The following TUNAR variants were observed in gnomAD, a reference collection of about 807,000 sequenced individuals.
The protein encoded by TUNAR is transmembrane neural differentiation associated intracellular calcium regulator, also known as protein TUNAR.
chr14:95,916,604 G>C (rs1889611087), intron 2 of TUNAR, among the ~76,000 whole-genome samples: 1 of 152,196 alleles, frequency 6.6e-6, no homozygotes, highest in East Asian at 1.9e-4. Flanking sequence ...CATGTACCCT[G>C]CTGCTCATTT....
intron 2 of TUNAR, among the ~76,000 whole-genome samples, chr14:95,887,130 C>T (rs1889090855): frequency 6.6e-6 from 1 of 152,180 alleles, no homozygotes; most frequent in African/African-American, 2.4e-5. Context: ...ACCATCAGGT[C>T]CTGGGAAAGC....
intron 2 of TUNAR, among the ~76,000 whole-genome samples, chr14:95,887,850 AATT>A (rs1420728962): frequency 2.0e-5 from 3 of 152,182 alleles, no homozygotes; most frequent in African/African-American, 7.2e-5. Flanking sequence ...TATTCAGGGT[AATT>A]ATTATTAAGA....
At chr14:95,906,541 C>T (rs1889428840) in intron 2 of TUNAR, among the ~76,000 whole-genome samples, 2 of 152,158 alleles carry the variant, frequency 1.3e-5, no homozygotes. Flanking sequence ...GCACATTTAC[C>T]CAATTACTGA....
intron 2 of TUNAR, among the ~76,000 whole-genome samples, chr14:95,905,201 G>T (rs1041028727): frequency 2.6e-5 from 4 of 152,172 alleles, no homozygotes; most frequent in African/African-American, 9.7e-5. Context: ...TATATAACCT[G>T]AGTGTAATCA....
intron 2 of TUNAR, among the ~76,000 whole-genome samples, chr14:95,922,285 C>A (rs1406332993): frequency 6.6e-6 from 1 of 152,234 alleles, no homozygotes; most frequent in Non-Finnish European, 1.5e-5. Context: ...AATCACCTTC[C>A]CTGGCTTCCA....
At chr14:95,920,571 A>G (rs753609127) in intron 2 of TUNAR, among the ~76,000 whole-genome samples, 1 of 152,120 alleles carries the variant, frequency 6.6e-6, no homozygotes, top group African/African-American at 2.4e-5. Flanking sequence ...ACTTATGCAC[A>G]GTTTCATGTT....
Position 95,895,007 on chromosome 14 carries a change from T to C in TUNAR, c.12+17830T>C, listed in dbSNP as rs1889240109. On this transcript the variant is annotated intron_variant, in intron 2 of 2. Transcript: ENST00000678517. This position sits in a 1 kb window ranked among gnomAD's most constrained non-coding sequence, Gnocchi z 4.5. The stretch of plus-strand genomic sequence containing the variant: ...GCACCACCTCTCTCCTGACGATAGG[T>C]TGGAGCTGAGGGCACAGAAATGGCC... 6.6e-6 allele frequency among the ~76,000 whole-genome samples: 1 copy of C among 152,146 alleles called. No individual in the cohort carries two copies. Among genetic ancestry groups the C allele is most frequent in the Non-Finnish European group, 1.5e-5 (1 of 68,028 alleles).
At chr14:95,898,617 A>G (rs1327345624) in intron 2 of TUNAR, among the ~76,000 whole-genome samples, 1 of 151,046 alleles carries the variant, frequency 6.6e-6, no homozygotes, top group African/African-American at 2.4e-5. Context: ...CTGGTTTGTC[A>G]TTTTGCTTTT....
intron 2 of TUNAR, among the ~76,000 whole-genome samples, chr14:95,885,083 G>C (rs374605635): frequency 1.3e-5 from 2 of 152,224 alleles, no homozygotes; most frequent in Admixed American, 1.3e-4. Context: ...GATGGGATGC[G>C]TGCTCAGCGC....
chr14:95,899,607 C>T (rs1450081716), intron 2 of TUNAR, among the ~76,000 whole-genome samples: 1 of 152,112 alleles, frequency 6.6e-6, no homozygotes, highest in Non-Finnish European at 1.5e-5. Flanking sequence ...CTGGGGATTC[C>T]AAGATCAAGT....
At chr14:95,921,928 A>G (rs1039982015) in intron 2 of TUNAR, among the ~76,000 whole-genome samples, 1 of 151,452 alleles carries the variant, frequency 6.6e-6, no homozygotes, top group Non-Finnish European at 1.5e-5. Flanking sequence ...TCATTTCACC[A>G]TCATATAATA....
At chr14:95,898,669 C>T (rs1011998253) in intron 2 of TUNAR, among the ~76,000 whole-genome samples, 3 of 151,964 alleles carry the variant, frequency 2.0e-5, no homozygotes, top group Non-Finnish European at 4.4e-5. Flanking sequence ...CATTTTTAAC[C>T]TCTGAGAGCT....
chr14:95,890,405 C>T (rs1023123186), intron 2 of TUNAR, among the ~76,000 whole-genome samples: 2 of 152,208 alleles, frequency 1.3e-5, no homozygotes, highest in Non-Finnish European at 2.9e-5. Context: ...TGTGTGGCCT[C>T]AAAGCTCACT....
chr14:95,883,465 G>A (rs376482020), intron 2 of TUNAR, among the ~76,000 whole-genome samples: 72 of 152,322 alleles, frequency 4.7e-4, no homozygotes, highest in African/African-American at 1.7e-3. Flanking sequence ...AAACAGTTAT[G>A]GAGCACTAGC....
chr14:95,912,101 G>A (rs1417046399), intron 2 of TUNAR, among the ~76,000 whole-genome samples: 3 of 152,200 alleles, frequency 2.0e-5, no homozygotes, highest in South Asian at 2.1e-4. Flanking sequence ...AGAAGCACTC[G>A]TAGTCTTCGT....
intron 2 of TUNAR, among the ~76,000 whole-genome samples, chr14:95,894,920 G>A (rs1164310493): frequency 6.6e-6 from 1 of 152,236 alleles, no homozygotes; most frequent in Non-Finnish European, 1.5e-5. Flanking sequence ...TCCACAGCAT[G>A]TGCATATTGG....
At chr14:95,917,627 C>T (rs957867783) in intron 2 of TUNAR, among the ~76,000 whole-genome samples, 1 of 152,100 alleles carries the variant, frequency 6.6e-6, no homozygotes, top group Non-Finnish European at 1.5e-5. Flanking sequence ...TCTAGCATTC[C>T]GTGAAGATGG....
rs934549220 is a variant in TUNAR at position 95,913,854 on chromosome 14, T to C, written c.13-8927T>C. Among the ~76,000 whole-genome samples, 11 of 152,272 alleles carry C rather than the reference T, an allele frequency of 7.2e-5. No individual in the cohort carries two copies. In the South Asian group the frequency reaches 2.3e-3, roughly 32 times the overall value. On this transcript the variant is annotated intron_variant, in intron 2 of 2. Transcript: ENST00000678517. ...TTCAAGCGATTCTCCTGCCTCAGCC[T>C]CCCGAGTAGCTGGGACTACAGGTGC...
At chr14:95,924,960 C>T (rs1003371967) in exon 3 of TUNAR, 1 of 152,228 alleles carries the variant, frequency 6.6e-6, no homozygotes, top group African/African-American at 2.4e-5. Flanking sequence ...ATTTCTTGGG[C>T]TCTGTTAAAT....
Sources: allele counts gnomAD v4.1 joint callset (sites outside exome capture counted in the v4.1 genomes callset), GRCh38; gene constraint gnomAD v4.1.1; non-coding constraint Gnocchi (gnomAD v3.1); transcripts MANE v1.5; gene names NCBI Gene and HGNC (gene_info 2026-07-23, HGNC 2026-07-21).